Variants in COL25A1 observed in about 807,000 individuals in gnomAD.
The protein encoded by COL25A1 is collagen alpha-1(XXV) chain.
A neutral mutation model predicts 128.4 loss-of-function variants in COL25A1; 103 were observed. The observed-to-expected ratio is 0.80, with a 90% confidence interval of 0.68 to 0.94. COL25A1 has a LOEUF of 0.94. Among genes scored for constraint, COL25A1 ranks in the 40% least tolerant of loss-of-function variants. The pLI is 0.00. For synonymous variants in COL25A1, 279 were observed against 277.2 expected (o/e 1.01, Z -0.06); for missense variants, 745 against 840.0 (o/e 0.89, Z 1.40).
chr4:108,911,138 T>A (rs1342326999), intron 13 of COL25A1, among the ~76,000 whole-genome samples: 5 of 152,158 alleles, frequency 3.3e-5, no homozygotes, highest in African/African-American at 1.2e-4. Context: ...TGATTTAATA[T>A]CTTACTGGTC....
At chr4:109,010,655 G>A (rs1180609917) in intron 5 of COL25A1, among the ~76,000 whole-genome samples, 1 of 152,164 alleles carries the variant, frequency 6.6e-6, no homozygotes, top group Non-Finnish European at 1.5e-5. Context: ...AAAAGAGAAG[G>A]CAGAAGGAAT....
chr4:109,257,284 T>G (rs1040179233), intron 3 of COL25A1, among the ~76,000 whole-genome samples: 2 of 152,206 alleles, frequency 1.3e-5, no homozygotes, highest in African/African-American at 2.4e-5. Flanking sequence ...TAATTTCACA[T>G]AAAACCAGTT....
intron 5 of COL25A1, among the ~76,000 whole-genome samples, chr4:109,042,925 G>A (rs755338834): frequency 6.6e-6 from 1 of 152,064 alleles, no homozygotes; most frequent in Non-Finnish European, 1.5e-5. Flanking sequence ...AACCATACAC[G>A]ATGAGGATAG....
chr4:109,258,891 C>T (rs1382223235), intron 3 of COL25A1, among the ~76,000 whole-genome samples: 1 of 152,142 alleles, frequency 6.6e-6, no homozygotes, highest in Non-Finnish European at 1.5e-5. Context: ...CCAATTACTA[C>T]CCCTTTTAAG....
At chr4:109,156,199 A>C (rs1578310839) in intron 3 of COL25A1, among the ~76,000 whole-genome samples, 1 of 152,202 alleles carries the variant, frequency 6.6e-6, no homozygotes, top group Non-Finnish European at 1.5e-5. Context: ...CCAGTGTGTC[A>C]ATGTCAACTG....
At chr4:108,888,817 C>G (rs1349266502) in intron 18 of COL25A1, among the ~76,000 whole-genome samples, 3 of 152,072 alleles carry the variant, frequency 2.0e-5, no homozygotes, top group Non-Finnish European at 4.4e-5. Flanking sequence ...ACTATTGAGA[C>G]AGTTTAATGA....
chr4:109,196,257 A>G (rs753540991), intron 3 of COL25A1, among the ~76,000 whole-genome samples: 1 of 152,196 alleles, frequency 6.6e-6, no homozygotes, highest in Non-Finnish European at 1.5e-5. Context: ...AGTCTAAAGT[A>G]ACATTTACAG....
intron 31 of COL25A1, chr4:108,838,088 C>A: frequency 2.6e-6 from 4 of 1,541,290 alleles, no homozygotes; most frequent in Non-Finnish European, 3.5e-6. Context: ...GGAAAGTTTT[C>A]TTTACTTACT....
At chr4:109,007,681 G>A (rs12503228) in intron 6 of COL25A1, among the ~76,000 whole-genome samples, 30,925 of 152,110 alleles carry the variant, frequency 0.2, 3,852 homozygotes, top group East Asian at 0.45. Flanking sequence ...GGTTTCTAAT[G>A]GGACCATTTG....
intron 3 of COL25A1, among the ~76,000 whole-genome samples, chr4:109,230,349 C>T (rs2126219702): frequency 6.6e-6 from 1 of 152,270 alleles, no homozygotes; most frequent in Middle Eastern, 3.4e-3. Context: ...TACAGAGCAG[C>T]ATTTTCTAAG....
chr4:109,127,541 T>C lies in COL25A1; in HGVS notation c.368-77362A>G, dbSNP rs988852395. 2.6e-5 allele frequency among the ~76,000 whole-genome samples: 4 copies of C among 152,160 alleles called. No homozygotes were observed. The South Asian group carries it at 6.2e-4, about 24-fold the overall frequency. Reference sequence around the variant, plus strand: ...CAGGGTCTCTCTATGTTGCCCAGGCTGGTCTCAAACTCCTGGGATCAAGCA... The same window carrying C: ...CAGGGTCTCTCTATGTTGCCCAGGCCGGTCTCAAACTCCTGGGATCAAGCA... On this transcript the variant is annotated intron_variant, in intron 3 of 37. Coordinates refer to ENST00000399132, the MANE Select transcript of COL25A1 (RefSeq NM_198721.4).
intron 3 of COL25A1, among the ~76,000 whole-genome samples, chr4:109,150,368 G>A (rs1247888354): frequency 6.6e-6 from 1 of 151,990 alleles, no homozygotes; most frequent in African/African-American, 2.4e-5. Context: ...GCCTCCTAAG[G>A]GTACTTCTGA....
At chr4:109,141,125 T>C (rs1352045911) in intron 3 of COL25A1, among the ~76,000 whole-genome samples, 1 of 152,214 alleles carries the variant, frequency 6.6e-6, no homozygotes, top group Non-Finnish European at 1.5e-5. Flanking sequence ...CCTAGTTTAT[T>C]GAGAGTTTTT....
intron 32 of COL25A1, among the ~76,000 whole-genome samples, chr4:108,828,555 C>G (rs896658): frequency 6.6e-6 from 1 of 152,040 alleles, no homozygotes; most frequent in East Asian, 1.9e-4. Flanking sequence ...CCATCTTACA[C>G]GATATTCTTG....
chr4:109,068,127 G>A (rs1412195272), intron 3 of COL25A1, among the ~76,000 whole-genome samples: 2 of 152,206 alleles, frequency 1.3e-5, no homozygotes, highest in Non-Finnish European at 2.9e-5. Context: ...AGTGCAGTAA[G>A]CACCATGCTG....
chr4:108,954,299 TA>T lies in COL25A1; in HGVS notation c.493-12863del, dbSNP rs369097831. ...AAATAAACTTTCTACTTTTTGGTTT[TA>T]ATTTCCTAGTTGTGGTTGATAATGT... On this transcript the variant is annotated intron_variant, in intron 8 of 37. Coordinates refer to ENST00000399132, the MANE Select transcript of COL25A1 (RefSeq NM_198721.4). Among the ~76,000 whole-genome samples, 48 of 152,260 alleles carry T rather than the reference TA, an allele frequency of 3.2e-4. No individual in the cohort carries two copies. The South Asian group carries it at 9.9e-3, about 32-fold the overall frequency.
rs58549217 is a variant in COL25A1 at position 108,943,239 on chromosome 4, A to T, written c.493-1802T>A. On this transcript the variant is annotated intron_variant, in intron 8 of 37. Coordinates refer to ENST00000399132, the MANE Select transcript of COL25A1 (RefSeq NM_198721.4). ...CAAAATGTTAGTACAAAATGGAGAT[A>T]ACTATAGACACTGTTACGAAAACCA... 8.4e-4 allele frequency among the ~76,000 whole-genome samples: 128 copies of T among 152,326 alleles called. No individual in the cohort carries two copies. In the East Asian group the frequency reaches 0.017, roughly 21 times the overall value.
chr4:108,852,556 T>G (rs1459385543), intron 25 of COL25A1, among the ~76,000 whole-genome samples: 2 of 152,294 alleles, frequency 1.3e-5, no homozygotes, highest in African/African-American at 4.8e-5. Flanking sequence ...TGCTCCACAC[T>G]CATCGTATTG....
chr4:108,816,050 CG>C (rs1731219222), intron 37 of COL25A1, among the ~76,000 whole-genome samples: 1 of 151,950 alleles, frequency 6.6e-6, no homozygotes, highest in Admixed American at 6.6e-5. Flanking sequence ...ATTCTGTGAA[CG>C]GGGGTTATGA....
Sources: gnomAD v4.1 joint callset for allele counts (sites outside exome capture counted in the v4.1 genomes callset) on GRCh38, gnomAD v4.1.1 for gene constraint, MANE v1.5 for transcripts, NCBI Gene and HGNC (gene_info 2026-07-23, HGNC 2026-07-21) for gene names.